Variants in C8A observed in about 807,000 individuals in gnomAD.
The protein encoded by C8A is complement component C8 alpha chain.
In C8A, 67 loss-of-function variants were observed where a neutral mutation model predicts 65.3. The ratio of observed to expected loss-of-function variants is 1.03; its 90% CI spans 0.84 to 1.26. C8A has a LOEUF of 1.26. C8A is among the 50% of genes most tolerant of loss of function. C8A has a pLI of 0.00. For synonymous variants in C8A, 290 were observed against 259.4 expected, an observed-to-expected ratio of 1.12 and a Z score of -1.13; for missense variants, 781 against 723.9, an observed-to-expected ratio of 1.08 and a Z score of -0.90.
chr1:56,899,426 C>T (rs1341981385), intron 7 of C8A, among the ~76,000 whole-genome samples: 1 of 152,120 alleles, frequency 6.6e-6, no homozygotes, highest in African/African-American at 2.4e-5. Context: ...AAGTGACAAG[C>T]TATCTAAGTT....
chr1:56,904,304 C>G (rs573891291), intron 7 of C8A, among the ~76,000 whole-genome samples: 1 of 152,198 alleles, frequency 6.6e-6, no homozygotes, highest in Non-Finnish European at 1.5e-5. Flanking sequence ...CTTACAGCCT[C>G]TGATGAAAGA....
chr1:56,897,515 T>A (rs1274627793), intron 7 of C8A, among the ~76,000 whole-genome samples: 5 of 152,208 alleles, frequency 3.3e-5, no homozygotes, highest in African/African-American at 1.2e-4. Flanking sequence ...TGCCAGAGGC[T>A]GGGGACTGAG....
rs905031963 is a variant in C8A, at chr1:56,912,387, C to G, written c.1381-16C>G. 6.2e-7 allele frequency: 1 copy of G among 1,613,144 alleles called. No individual in the cohort carries two copies. The highest frequency in any genetic ancestry group is 1.3e-5 in the African/African-American group (1 of 74,928). On this transcript the variant is annotated splice_polypyrimidine_tract_variant and intron_variant, in intron 9 of 10. Coordinates refer to ENST00000361249, the MANE Select transcript of C8A (RefSeq NM_000562.3). ...AGAGCCCAGGGAGGGGCCCTGTGTTCTTTCTGTGCCCACAGATGCAGCCTA... is the reference window on the plus strand; with the variant it reads ...AGAGCCCAGGGAGGGGCCCTGTGTTGTTTCTGTGCCCACAGATGCAGCCTA...
chr1:56,870,017 C>T (rs1644128402), intron 2 of C8A, among the ~76,000 whole-genome samples: 2 of 152,148 alleles, frequency 1.3e-5, no homozygotes, highest in South Asian at 4.1e-4. Context: ...TGTTATTCTG[C>T]CTCTCTCATC....
At chr1:56,898,715 T>C (rs1274981096) in intron 7 of C8A, among the ~76,000 whole-genome samples, 1 of 152,150 alleles carries the variant, frequency 6.6e-6, no homozygotes, top group African/African-American at 2.4e-5. Context: ...ATCCTGTTAA[T>C]GTTGCATCCC....
intron 7 of C8A, among the ~76,000 whole-genome samples, chr1:56,898,396 G>A (rs188510536): frequency 6.6e-6 from 1 of 152,238 alleles, no homozygotes; most frequent in Admixed American, 6.5e-5. Flanking sequence ...CAGACCTCCA[G>A]CTCATTGTTC....
rs760688012 is a variant in C8A at position 56,876,129 on chromosome 1, C to T, written c.384C>T (p.Asp128=). The T allele has an allele frequency of 7.6e-5, 123 of 1,613,666 alleles. No individual in the cohort carries two copies. Among genetic ancestry groups the T allele is most frequent in the East Asian group, 1.8e-4 (8 of 44,834 alleles). ...DQDCLDGSDE[D]DCEDVRAIDE... is the part of the protein sequence containing the mutation. Reference sequence around the variant, plus strand: ...ACTGCCTTGATGGCTCTGATGAGGACGACTGTGAAGATGTCAGGGCCATTG... The same window carrying T: ...ACTGCCTTGATGGCTCTGATGAGGATGACTGTGAAGATGTCAGGGCCATTG... Residue 128 remains aspartate (D), a synonymous_variant, in exon 4 of 11, where the codon GAC becomes GAT. Transcript: ENST00000361249.
chr1:56,908,242 A>G lies in C8A; in HGVS notation c.1380+129A>G, dbSNP rs956104384. On this transcript the variant is annotated intron_variant, in intron 9 of 10. Coordinates refer to ENST00000361249, the MANE Select transcript of C8A (RefSeq NM_000562.3). ...ATTAAATGTAATGGCACACTGAACT[A>G]GTGGCCTTGCTTGTGCCTGACTCCA... 8 of 1,096,286 alleles carry G rather than the reference A, an allele frequency of 7.3e-6. No individual in the cohort carries two copies. In the East Asian group the frequency reaches 1.7e-4, roughly 24 times the overall value. The allele number at this position is 1,096,286 out of a possible 1,614,324, so 67.9% of individuals were successfully genotyped here.
intron 7 of C8A, among the ~76,000 whole-genome samples, chr1:56,889,539 C>T (rs1644328401): frequency 6.6e-6 from 1 of 152,066 alleles, no homozygotes; most frequent in Non-Finnish European, 1.5e-5. Context: ...TCCCTTTTCT[C>T]TTTCCTCTTT....
intron 1 of C8A, among the ~76,000 whole-genome samples, chr1:56,863,180 C>G (rs1244560280): frequency 2.0e-5 from 3 of 152,078 alleles, no homozygotes; most frequent in African/African-American, 7.2e-5. Context: ...TGGGGCAATT[C>G]TTTTCATTTA....
At chr1:56,885,307 TTTACATAA>T (rs1192636798) in intron 6 of C8A, among the ~76,000 whole-genome samples, 3 of 120,026 alleles carry the variant, frequency 2.5e-5, no homozygotes, top group African/African-American at 1.3e-4. Flanking sequence ...TTTATATATA[TTTACATAA>T]ATATATTTAT....
chr1:56,882,207 T>C (rs1644253735), intron 5 of C8A, among the ~76,000 whole-genome samples: 1 of 152,168 alleles, frequency 6.6e-6, no homozygotes, highest in Non-Finnish European at 1.5e-5. Flanking sequence ...GGTGGTCTCT[T>C]GGTCACTTGG....
chr1:56,907,036 G>C (rs1391765546), intron 8 of C8A, among the ~76,000 whole-genome samples: 1 of 152,166 alleles, frequency 6.6e-6, no homozygotes, highest in Non-Finnish European at 1.5e-5. Context: ...TCAAGGGTTA[G>C]ACAAAGGTCC....
At chr1:56,872,902 A>G (rs1336574835) in intron 2 of C8A, among the ~76,000 whole-genome samples, 1 of 149,458 alleles carries the variant, frequency 6.7e-6, no homozygotes, top group African/African-American at 2.4e-5. Flanking sequence ...AGAGAGGAAA[A>G]AAAAAAGAAA....
rs370599466 is a variant in C8A, at chr1:56,912,475, C to T, written c.1453C>T (p.Arg485Cys). Residue 485 changes from arginine (R) to cysteine (C), a missense_variant, in exon 10 of 11, where the codon CGC (arginine) becomes TGC (cysteine). Coordinates refer to ENST00000361249, the MANE Select transcript of C8A (RefSeq NM_000562.3). Reference sequence around the variant, plus strand: ...GGAGGCCAAGCGCCAGAACCTGCGCCGCGCCTTGGACCAGTATCTGATGGA... The same window carrying T: ...GGAGGCCAAGCGCCAGAACCTGCGCTGCGCCTTGGACCAGTATCTGATGGA... ...PLEAKRQNLR[R>C]ALDQYLMEFN... 48 of 1,614,078 alleles carry T rather than the reference C, an allele frequency of 3.0e-5. No homozygotes were observed. The highest frequency in any genetic ancestry group is 6.7e-5 in the East Asian group (3 of 44,886).
chr1:56,892,295 T>A (rs556824868), intron 7 of C8A, among the ~76,000 whole-genome samples: 16 of 152,172 alleles, frequency 1.1e-4, no homozygotes, highest in Admixed American at 9.2e-4. Context: ...GGAAAAATAA[T>A]TGACTATTTA....
At chr1:56,917,241 C>T (rs1454302344) in intron 10 of C8A, among the ~76,000 whole-genome samples, 1 of 152,214 alleles carries the variant, frequency 6.6e-6, no homozygotes, top group Non-Finnish European at 1.5e-5. Context: ...AGGAGGATTG[C>T]AGACCACTCT....
At chr1:56,882,035 G>T (rs1187256314) in intron 5 of C8A, among the ~76,000 whole-genome samples, 1 of 152,132 alleles carries the variant, frequency 6.6e-6, no homozygotes, top group Non-Finnish European at 1.5e-5. Context: ...AGATGAGCAG[G>T]ATTCTGAGAC....
intron 4 of C8A, among the ~76,000 whole-genome samples, chr1:56,880,857 C>A (rs973915142): frequency 1.3e-5 from 2 of 152,156 alleles, no homozygotes; most frequent in African/African-American, 4.8e-5. Flanking sequence ...AATGACTAAA[C>A]CGAGGCACAG....
Sources: allele counts gnomAD v4.1 joint callset (sites outside exome capture counted in the v4.1 genomes callset), GRCh38; gene constraint gnomAD v4.1.1; transcripts MANE v1.5; gene names NCBI Gene and HGNC (gene_info 2026-07-23, HGNC 2026-07-21).